PAK3: variants seen among roughly 807,000 people sequenced by gnomAD.
PAK3 encodes the protein p21 (RAC1) activated kinase 3, also known as serine/threonine-protein kinase PAK 3.
In PAK3, 4 loss-of-function variants were observed where a neutral mutation model predicts 41.0. The observed-to-expected ratio is 0.10, with a 90% CI of 0.05 to 0.22. The LOEUF is 0.22. Among genes scored for constraint, PAK3 ranks in the 10% least tolerant of loss-of-function variants. The pLI, the probability that PAK3 is intolerant of heterozygous loss-of-function variation, is 1.00. For missense variants in PAK3, 205 were observed against 409.9 expected (o/e 0.50, Z 4.32); for synonymous variants, 146 against 139.6 (o/e 1.05, Z -0.32).
chrX:111,087,134 A>AGTGT (rs112857612), intron 1 of PAK3, among the ~76,000 whole-genome samples: 23 of 95,541 alleles, frequency 2.4e-4, no homozygotes, highest in African/African-American at 7.6e-4. Context: ...TGAACAAGTA[A>AGTGT]GTGTGTGTGT....
At chrX:111,111,617 A>G (rs1353507168) in intron 4 of PAK3, among the ~76,000 whole-genome samples, 1 of 112,196 alleles carries the variant, frequency 8.9e-6, no homozygotes, top group Non-Finnish European at 1.9e-5. Flanking sequence ...GACTTCCAAC[A>G]CATTCATATT....
At chrX:111,117,943 A>G (rs1489389497) in intron 4 of PAK3, among the ~76,000 whole-genome samples, 1 of 110,903 alleles carries the variant, frequency 9.0e-6, no homozygotes, top group East Asian at 2.9e-4. Flanking sequence ...CCCCTTTTCC[A>G]CCTAGTTTGG....
chrX:111,166,318 G>A lies in PAK3; in HGVS notation c.766+2591G>A, dbSNP rs935071484. ...AGATAAGAATCATAACTACATTTTT[G>A]TGAGAGATAACGTCTGGCTCTGTTA... On this transcript the variant is annotated intron_variant, in intron 10 of 17. Coordinates refer to ENST00000372007, the MANE Select transcript of PAK3 (RefSeq NM_002578.5). Among the ~76,000 whole-genome samples the A allele has an allele frequency of 5.4e-5, 6 of 111,291 alleles. No homozygotes were observed. In the Admixed American group the frequency reaches 5.7e-4, roughly 11 times the overall value.
chrX:111,144,000 G>C (rs915063261), intron 6 of PAK3, among the ~76,000 whole-genome samples: 2 of 107,855 alleles, frequency 1.9e-5, no homozygotes, highest in African/African-American at 7.2e-5. Flanking sequence ...AAACTTACTT[G>C]TCATCTTATG....
intron 4 of PAK3, among the ~76,000 whole-genome samples, chrX:111,103,990 T>C (rs1366892819): frequency 8.9e-6 from 1 of 112,088 alleles, no homozygotes; most frequent in East Asian, 2.8e-4. Flanking sequence ...TTGTAAGCTC[T>C]TCAAGGGCAG....
At chrX:110,977,491 A>C (rs1434103812) in intron 1 of PAK3, among the ~76,000 whole-genome samples, 1 of 111,236 alleles carries the variant, frequency 9.0e-6, no homozygotes, top group African/African-American at 3.3e-5. Context: ...CAATTTGGAG[A>C]GTTTTGTCAT....
intron 1 of PAK3, among the ~76,000 whole-genome samples, chrX:110,990,998 G>T (rs2091633571): frequency 9.1e-6 from 1 of 109,992 alleles, no homozygotes; most frequent in Admixed American, 9.7e-5. Context: ...GTGTGGTGGT[G>T]CAGGCCTGTA....
intron 1 of PAK3, among the ~76,000 whole-genome samples, chrX:111,039,563 CAGTGATGGACTGATAGAAAG>C (rs1267992938): frequency 8.9e-6 from 1 of 111,773 alleles, no homozygotes; most frequent in African/African-American, 3.3e-5. Flanking sequence ...TGAGGTTTCT[CAGTGATGGACTGATAGAAAG>C]AGTGCTGGAG....
At chrX:111,085,270 G>T (rs1190586729) in intron 1 of PAK3, among the ~76,000 whole-genome samples, 1 of 111,161 alleles carries the variant, frequency 9.0e-6, no homozygotes, top group Non-Finnish European at 1.9e-5. Context: ...TATCCCAGGG[G>T]CTTGGCTAAA....
intron 1 of PAK3, among the ~76,000 whole-genome samples, chrX:111,083,683 T>A (rs1325199159): frequency 8.9e-6 from 1 of 112,674 alleles, no homozygotes; most frequent in Non-Finnish European, 1.9e-5. Context: ...CTCAGCCATT[T>A]CTTGGCCTCT....
intron 16 of PAK3, among the ~76,000 whole-genome samples, chrX:111,201,832 A>C (rs897762316): frequency 9.0e-6 from 1 of 110,929 alleles, no homozygotes. Context: ...AAAAAAATAT[A>C]TATGTATATA....
At chrX:111,145,968 A>G (rs1383079526) in intron 6 of PAK3, among the ~76,000 whole-genome samples, 1 of 112,060 alleles carries the variant, frequency 8.9e-6, no homozygotes, top group Non-Finnish European at 1.9e-5. Flanking sequence ...TTAGCTACAA[A>G]GTGCAAAAGA....
At chrX:110,962,084 T>C (rs747291087) in intron 1 of PAK3, among the ~76,000 whole-genome samples, 1 of 112,201 alleles carries the variant, frequency 8.9e-6, no homozygotes, top group Admixed American at 9.5e-5. Context: ...TGCATGCCTT[T>C]GGCTTCAAGT....
chrX:111,138,802 T>C (rs900034568), intron 5 of PAK3, among the ~76,000 whole-genome samples: 1 of 110,739 alleles, frequency 9.0e-6, no homozygotes, highest in African/African-American at 3.3e-5. Context: ...AACATGAACT[T>C]TTAACTTATG....
intron 1 of PAK3, among the ~76,000 whole-genome samples, chrX:110,953,514 T>G (rs1184344030): frequency 8.9e-6 from 1 of 112,517 alleles, no homozygotes; most frequent in Admixed American, 9.4e-5. Context: ...ACCAGTTGAA[T>G]CTGAACTCCA....
intron 1 of PAK3, among the ~76,000 whole-genome samples, chrX:110,985,686 A>T (rs979738913): frequency 3.6e-5 from 4 of 112,084 alleles, no homozygotes; most frequent in African/African-American, 1.3e-4. Flanking sequence ...ACCAGCACGT[A>T]TTGAGATATT....
chrX:111,130,900 A>C (rs1239688988), intron 5 of PAK3, among the ~76,000 whole-genome samples: 1 of 111,823 alleles, frequency 8.9e-6, no homozygotes, highest in Non-Finnish European at 1.9e-5. Flanking sequence ...TTCCCATTTT[A>C]CAGAGGAAGG....
chrX:111,169,500 C>CGA (rs1032237697), intron 10 of PAK3: 6 of 108,321 alleles, frequency 5.5e-5, no homozygotes, highest in African/African-American at 1.0e-4. Context: ...AGAACAAGGG[C>CGA]GAGAGAGAGA....
chrX:111,203,763 G>C (rs2094709223), intron 16 of PAK3, among the ~76,000 whole-genome samples: 1 of 112,023 alleles, frequency 8.9e-6, no homozygotes, highest in Non-Finnish European at 1.9e-5. Flanking sequence ...TCCAAGCACT[G>C]GGACTTTGCT....
Sources: allele counts gnomAD v4.1 joint callset (sites outside exome capture counted in the v4.1 genomes callset), GRCh38; gene constraint gnomAD v4.1.1; transcripts MANE v1.5; gene names NCBI Gene and HGNC (gene_info 2026-07-23, HGNC 2026-07-21).